Variants in SH3GL1 observed in about 807,000 individuals in gnomAD.
The protein encoded by SH3GL1 is SH3 domain containing GRB2 like 1, endophilin A2.
A neutral mutation model predicts 48.8 loss-of-function variants in SH3GL1; 21 were observed. The ratio of observed to expected loss-of-function variants is 0.43; its 90% CI spans 0.30 to 0.62. The LOEUF (loss-of-function observed/expected upper bound fraction) is 0.62, where lower values mean the gene tolerates loss of function less well. Ranked by LOEUF, SH3GL1 falls within the 20% of genes least tolerant of loss-of-function variation. The pLI is 0.11. For missense variants in SH3GL1, 454 were observed against 503.0 expected (o/e 0.90, Z 0.93); for synonymous variants, 282 against 217.5 (o/e 1.30, Z -2.61).
In SH3GL1 at chr19:4,376,642, A is replaced by G. The variant is rs1220908011; in HGVS notation, c.46-9648T>C. ...CCCCATCTGCCTGGGCGGCCCCCCC[A>G]TCTCCCCTCAGAGCTTTTGCTCTCG... On this transcript the variant is annotated intron_variant, in intron 1 of 9. Transcript: ENST00000269886. This position sits in a 1 kb window ranked among gnomAD's most constrained non-coding sequence, Gnocchi z 4.3. Among the ~76,000 whole-genome samples the G allele has an allele frequency of 6.9e-6, 1 of 144,866 alleles. No homozygotes were observed. Among genetic ancestry groups the G allele is most frequent in the East Asian group, 2.0e-4 (1 of 4,922 alleles).
intron 1 of SH3GL1, among the ~76,000 whole-genome samples, chr19:4,392,570 A>ACACACAC (rs1491329287): frequency 2.1e-5 from 3 of 140,378 alleles, no homozygotes; most frequent in Non-Finnish European, 3.1e-5. Flanking sequence ...ACACACACAC[A>ACACACAC]AAAGATCATT....
chr19:4,364,294 G>A, intron 4 of SH3GL1, 73 bp from the exon 5 acceptor site: 1 of 1,583,128 alleles, frequency 6.3e-7, no homozygotes. Flanking sequence ...CTCAGCCTTT[G>A]TTTTTGAAAT....
In SH3GL1 at chr19:4,367,234, C is replaced by T. The variant is rs559371691; in HGVS notation, c.46-240G>A. ...GGTGGCCTGCCCACCTGTGTGTGTC[C>T]CGACTGCCACTCACATACCCACTGG... On this transcript the variant is annotated intron_variant, in intron 1 of 9. Transcript: ENST00000269886. The surrounding 1 kb of genome is among the most constrained non-coding windows in gnomAD (Gnocchi z 4.2). 9.9e-5 allele frequency among the ~76,000 whole-genome samples: 15 copies of T among 152,254 alleles called. No homozygotes were observed. The East Asian group carries it at 2.9e-3, about 29-fold the overall frequency.
intron 1 of SH3GL1, among the ~76,000 whole-genome samples, chr19:4,379,729 G>C (rs1449634919): frequency 2.0e-5 from 3 of 152,086 alleles, no homozygotes; most frequent in Admixed American, 2.0e-4. Flanking sequence ...ACGTGCCTCT[G>C]TGCATGGGCG....
chr19:4,370,131 G>T (rs1434729038), intron 1 of SH3GL1, among the ~76,000 whole-genome samples: 1 of 152,248 alleles, frequency 6.6e-6, no homozygotes, highest in East Asian at 1.9e-4. Context: ...CTCGCTGTCA[G>T]GAGCGAGTGT....
chr19:4,377,735 G>T (rs1300671578), intron 1 of SH3GL1, among the ~76,000 whole-genome samples: 1 of 152,218 alleles, frequency 6.6e-6, no homozygotes, highest in Admixed American at 6.5e-5. Flanking sequence ...GCCGCTCAGA[G>T]GCACTGCCTG....
intron 1 of SH3GL1, among the ~76,000 whole-genome samples, chr19:4,386,218 T>C (rs947673472): frequency 6.6e-6 from 1 of 152,174 alleles, no homozygotes; most frequent in East Asian, 1.9e-4. Flanking sequence ...GATGGATGCC[T>C]GCCTGAGTCA....
intron 5 of SH3GL1, 43 bp downstream of exon 5, chr19:4,364,045 G>C: frequency 6.2e-7 from 1 of 1,610,648 alleles, no homozygotes; most frequent in Non-Finnish European, 8.5e-7. Context: ...GCCCCATCCG[G>C]CAGGGGGAAG....
chr19:4,362,301 A>G (rs1444744948), intron 9 of SH3GL1, 28 bp downstream of exon 9: 6 of 1,606,178 alleles, frequency 3.7e-6, no homozygotes, highest in Non-Finnish European at 5.1e-6. Flanking sequence ...GGCAGCACTG[A>G]GGTCGAGGCG....
In SH3GL1 at chr19:4,389,136, T is replaced by C. The variant is rs1973289273; in HGVS notation, c.45+11188A>G. Among the ~76,000 whole-genome samples, 1 of 152,074 alleles carries C rather than the reference T, an allele frequency of 6.6e-6. No individual in the cohort carries two copies. Among genetic ancestry groups the C allele is most frequent in the Non-Finnish European group, 1.5e-5 (1 of 67,996 alleles). ...AAGGAGCCCTCTAGCTCAGCCTCTG[T>C]AGGGGGCGTCTCTGGCAACCTCATC... On this transcript the variant is annotated intron_variant, in intron 1 of 9. Coordinates refer to ENST00000269886, the MANE Select transcript of SH3GL1 (RefSeq NM_003025.4). This position sits in a 1 kb window ranked among gnomAD's most constrained non-coding sequence, Gnocchi z 4.5.
intron 1 of SH3GL1, among the ~76,000 whole-genome samples, chr19:4,368,862 G>A (rs968059327): frequency 1.3e-5 from 2 of 152,174 alleles, no homozygotes; most frequent in African/African-American, 2.4e-5. Context: ...ATGAGGTCAG[G>A]AGATCGAGAC....
At chr19:4,385,126 C>T (rs1348278233) in intron 1 of SH3GL1, among the ~76,000 whole-genome samples, 7 of 149,552 alleles carry the variant, frequency 4.7e-5, no homozygotes, top group African/African-American at 1.5e-4. Flanking sequence ...AACTAGGGTA[C>T]GAGAAACCAA....
intron 1 of SH3GL1, among the ~76,000 whole-genome samples, chr19:4,379,749 C>T (rs2144896297): frequency 6.6e-6 from 1 of 152,168 alleles, no homozygotes; most frequent in East Asian, 1.9e-4. Context: ...GAGCCTGTGG[C>T]CGTGACTGTG....
At chr19:4,394,768 G>T (rs959447699) in intron 1 of SH3GL1, among the ~76,000 whole-genome samples, 2 of 152,230 alleles carry the variant, frequency 1.3e-5, no homozygotes, top group African/African-American at 2.4e-5. Context: ...AAGAACCCTT[G>T]GAAGTCTAGA....
chr19:4,392,688 T>C lies in SH3GL1; in HGVS notation c.45+7636A>G, dbSNP rs1243382413. 1.1e-4 allele frequency among the ~76,000 whole-genome samples: 16 copies of C among 152,310 alleles called. No homozygotes were observed. The East Asian group carries it at 2.3e-3, about 22-fold the overall frequency. ...CAGGGCCGGGCACGTGGCTCAGGCCTGTAATCCCAGCACAATGGGAGGCCA... is the reference window on the plus strand; with the variant it reads ...CAGGGCCGGGCACGTGGCTCAGGCCCGTAATCCCAGCACAATGGGAGGCCA... On this transcript the variant is annotated intron_variant, in intron 1 of 9. Coordinates refer to ENST00000269886, the MANE Select transcript of SH3GL1 (RefSeq NM_003025.4).
intron 1 of SH3GL1, among the ~76,000 whole-genome samples, chr19:4,399,649 CCA>C (rs3216503): frequency 0.33 from 49,636 of 151,972 alleles, 8,554 homozygotes; most frequent in East Asian, 0.59. Flanking sequence ...CAATCCAGCC[CCA>C]GATGTCAACA....
intron 1 of SH3GL1, among the ~76,000 whole-genome samples, chr19:4,373,597 C>G (rs367578149): frequency 1.3e-3 from 193 of 152,294 alleles, no homozygotes; most frequent in South Asian, 5.4e-3. Flanking sequence ...GCGGGTCAGG[C>G]GCTCCTCTGG....
intron 1 of SH3GL1, among the ~76,000 whole-genome samples, chr19:4,391,289 A>T (rs1347719881): frequency 6.6e-6 from 1 of 152,098 alleles, no homozygotes; most frequent in East Asian, 1.9e-4. Context: ...GACAGCCCCC[A>T]ATTTCTTCAA....
chr19:4,399,924 T>C (rs1159739286), intron 1 of SH3GL1, among the ~76,000 whole-genome samples: 1 of 152,210 alleles, frequency 6.6e-6, no homozygotes, highest in African/African-American at 2.4e-5. Context: ...CCAGAGGATT[T>C]TGAACGTAAC....
Sources: allele counts gnomAD v4.1 joint callset (sites outside exome capture counted in the v4.1 genomes callset), GRCh38; gene constraint gnomAD v4.1.1; non-coding constraint Gnocchi (gnomAD v3.1); transcripts MANE v1.5; gene names NCBI Gene and HGNC (gene_info 2026-07-23, HGNC 2026-07-21).